The following SHQ1 variants were observed in gnomAD, a reference collection of about 807,000 sequenced individuals.
SHQ1 encodes the protein SHQ1, H/ACA ribonucleoprotein assembly factor.
Under a neutral mutation model 53.8 loss-of-function variants are expected in SHQ1, and 49 were observed. The ratio of observed to expected loss-of-function variants is 0.91; its 90% CI spans 0.72 to 1.16. The LOEUF (loss-of-function observed/expected upper bound fraction) is 1.16, where lower values mean the gene tolerates loss of function less well. Among genes scored for constraint, SHQ1 ranks in the 50% most tolerant of loss-of-function variants. The pLI is 0.00. For synonymous variants in SHQ1, 243 were observed against 251.0 expected (o/e 0.97, Z 0.30); for missense variants, 738 against 683.1 (o/e 1.08, Z -0.90).
intron 9 of SHQ1, among the ~76,000 whole-genome samples, chr3:72,808,170 G>A (rs1370853270): frequency 1.3e-5 from 2 of 152,136 alleles, no homozygotes; most frequent in East Asian, 3.9e-4. Flanking sequence ...GTAGTATGGT[G>A]GTTAAGAGTC....
chr3:72,821,000 TCCCAAA>T (rs1409856365), intron 6 of SHQ1, among the ~76,000 whole-genome samples: 1 of 152,126 alleles, frequency 6.6e-6, no homozygotes, highest in East Asian at 1.9e-4. Flanking sequence ...TAAATCCCCC[TCCCAAA>T]CATCCCTCTT....
In SHQ1 at chr3:72,786,066, A is replaced by C. The variant is rs192251952; in HGVS notation, c.1181+6850T>G. 4.6e-5 allele frequency among the ~76,000 whole-genome samples: 7 copies of C among 152,224 alleles called. No homozygotes were observed. The East Asian group carries it at 7.7e-4, about 17-fold the overall frequency. On this transcript the variant is annotated intron_variant, in intron 10 of 10. Transcript: ENST00000325599. ...CAGTTAGATGCCCAAGTCAAAACCC[A>C]CATCTCATCTTGGCTCCTCCCCTTC...
At chr3:72,828,188 C>G (rs1707719978) in intron 5 of SHQ1, among the ~76,000 whole-genome samples, 1 of 152,164 alleles carries the variant, frequency 6.6e-6, no homozygotes, top group Admixed American at 6.5e-5. Context: ...GAACCATGTA[C>G]ACAAATACAG....
intron 10 of SHQ1, among the ~76,000 whole-genome samples, chr3:72,771,676 G>A (rs1705854901): frequency 1.3e-5 from 2 of 152,184 alleles, no homozygotes; most frequent in Non-Finnish European, 2.9e-5. Context: ...AAAGTAGTCT[G>A]CCCAAAAAGA....
chr3:72,772,971 A>C (rs1705887308), intron 10 of SHQ1: 1 of 1,131,402 alleles, frequency 8.8e-7, no homozygotes, highest in African/African-American at 1.5e-5. Context: ...AAGAAGAAGA[A>C]AGTGAAGATG....
At chr3:72,766,059 T>C (rs1276066608) in intron 10 of SHQ1, among the ~76,000 whole-genome samples, 1 of 152,172 alleles carries the variant, frequency 6.6e-6, no homozygotes, top group East Asian at 1.9e-4. Context: ...CAGGGTGCAC[T>C]TGGGCCAGGG....
At chr3:72,778,432 G>C (rs778482145) in intron 10 of SHQ1, among the ~76,000 whole-genome samples, 3 of 151,576 alleles carry the variant, frequency 2.0e-5, no homozygotes, top group Non-Finnish European at 2.9e-5. Flanking sequence ...CTGGGTGACA[G>C]AAACCCTGTC....
intron 10 of SHQ1, among the ~76,000 whole-genome samples, chr3:72,764,083 G>A (rs1705667205): frequency 6.6e-6 from 1 of 151,482 alleles, no homozygotes; most frequent in African/African-American, 2.4e-5. Context: ...AATAACATGA[G>A]GGGAATAGAT....
intron 1 of SHQ1, chr3:72,846,348 G>A: frequency 6.6e-7 from 1 of 1,510,608 alleles, no homozygotes; most frequent in Non-Finnish European, 8.8e-7. Flanking sequence ...AGGCTGGAGT[G>A]CGATAGCGCA....
intron 10 of SHQ1, among the ~76,000 whole-genome samples, chr3:72,763,358 T>C (rs1705651160): frequency 1.3e-5 from 2 of 152,328 alleles, no homozygotes; most frequent in South Asian, 4.1e-4. Flanking sequence ...TGTTTAATGA[T>C]GTAGATTTTG....
the SHQ1 span, among the ~76,000 whole-genome samples, chr3:72,733,579 T>C: frequency 6.6e-6 from 1 of 151,488 alleles, no homozygotes; most frequent in African/African-American, 2.4e-5. Flanking sequence ...GAGCTTTAGG[T>C]GTCTCACTTT....
At chr3:72,795,948 C>T (rs1575699904) in intron 9 of SHQ1, among the ~76,000 whole-genome samples, 1 of 151,400 alleles carries the variant, frequency 6.6e-6, no homozygotes, top group African/African-American at 2.4e-5. Context: ...ACTAAAAATA[C>T]AAAAATGAGC....
chr3:72,787,950 G>A (rs1004710346), intron 10 of SHQ1, among the ~76,000 whole-genome samples: 5 of 152,206 alleles, frequency 3.3e-5, no homozygotes, highest in African/African-American at 1.2e-4. Flanking sequence ...TCCTGACCGC[G>A]AGTGATCTGC....
chr3:72,784,573 C>T (rs1204495214), intron 10 of SHQ1, among the ~76,000 whole-genome samples: 1 of 152,220 alleles, frequency 6.6e-6, no homozygotes, highest in Non-Finnish European at 1.5e-5. Context: ...TAAAGAGCAA[C>T]TTGACATGCC....
chr3:72,726,649 G>T, the SHQ1 span, among the ~76,000 whole-genome samples: 2 of 152,192 alleles, frequency 1.3e-5, no homozygotes, highest in Non-Finnish European at 2.9e-5. Context: ...ACCACGCCGG[G>T]CCACATTTGG....
intron 9 of SHQ1, among the ~76,000 whole-genome samples, chr3:72,807,295 G>T (rs760300654): frequency 1.3e-5 from 2 of 152,128 alleles, no homozygotes; most frequent in African/African-American, 2.4e-5. Context: ...CAAAAACCCT[G>T]GTAGTTGTGT....
chr3:72,826,924 T>A lies in SHQ1; in HGVS notation c.600-2373A>T, dbSNP rs143182464. Among the ~76,000 whole-genome samples, 844 of 152,304 alleles carry A rather than the reference T, an allele frequency of 5.5e-3. 8 individuals carry two copies. Among genetic ancestry groups the A allele is most frequent in the African/African-American group, 0.018 (752 of 41,580 alleles). On this transcript the variant is annotated intron_variant, in intron 5 of 10. Coordinates refer to ENST00000325599, the MANE Select transcript of SHQ1 (RefSeq NM_018130.3). ...AGCTTTTTACATAGGGGAATGACAT[T>A]AGCATGGTTTAGAAACATCACTCTT...
Position 72,770,622 on chromosome 3 carries a change from T to C in SHQ1, c.1182-19786A>G, listed in dbSNP as rs185688377. ...AAGTACAAGATGATATCTAGTATTA[T>C]AGAAGGCAAAAACTGTGATATAGAT... On this transcript the variant is annotated intron_variant, in intron 10 of 10. Coordinates refer to ENST00000325599, the MANE Select transcript of SHQ1 (RefSeq NM_018130.3). Among the ~76,000 whole-genome samples the C allele has an allele frequency of 1.9e-3, 291 of 152,294 alleles. 2 individuals are homozygous for C. Among genetic ancestry groups the C allele is most frequent in the African/African-American group, 6.6e-3 (274 of 41,560 alleles).
Position 72,815,381 on chromosome 3 carries a change from C to T in SHQ1, c.905G>A (p.Arg302Lys). The part of the protein sequence containing the change: ...EKNVESAWNI[R>K]KLSPTLCWFE... ...CCAGCATAGTGTTGGACTCAGTTTC[C>T]TGATATTCCATGCAGATTCAACCTT... Residue 302 changes from arginine (R) to lysine (K), a missense_variant, in exon 8 of 11, where the codon AGG (arginine) becomes AAG (lysine). Arg to Lys is a conservative substitution (Grantham distance 26). Coordinates refer to ENST00000325599, the MANE Select transcript of SHQ1 (RefSeq NM_018130.3). 1.2e-6 allele frequency: 2 copies of T among 1,613,476 alleles called. No homozygotes were observed. The highest frequency in any genetic ancestry group is 2.2e-5 in the South Asian group (2 of 91,060).
Sources: allele counts gnomAD v4.1 joint callset (sites outside exome capture counted in the v4.1 genomes callset), GRCh38; gene constraint gnomAD v4.1.1; transcripts MANE v1.5; gene names NCBI Gene and HGNC (gene_info 2026-07-23, HGNC 2026-07-21).